The following VWA3B variants were observed in gnomAD, a reference collection of about 807,000 sequenced individuals.
VWA3B encodes the protein von Willebrand factor A domain containing 3B.
A neutral mutation model predicts 158.3 loss-of-function variants in VWA3B; 138 were observed. The ratio of observed to expected loss-of-function variants is 0.87; its 90% CI spans 0.76 to 1.00. The LOEUF (loss-of-function observed/expected upper bound fraction) is 1.00. VWA3B is among the 50% of genes least tolerant of loss of function. The pLI, the probability that VWA3B is intolerant of heterozygous loss-of-function variation, is 0.00. For missense variants in VWA3B, 1,555 were observed against 1,565.1 expected (o/e 0.99, Z 0.11); for synonymous variants, 596 against 587.3 (o/e 1.01, Z -0.21).
intron 21 of VWA3B, among the ~76,000 whole-genome samples, chr2:98,267,503 C>T (rs1194922776): frequency 3.3e-5 from 5 of 151,984 alleles, no homozygotes; most frequent in Non-Finnish European, 7.4e-5. Flanking sequence ...AGAACAAAGA[C>T]ACAACATACC....
chr2:98,245,139 A>G (rs964527820), intron 19 of VWA3B, among the ~76,000 whole-genome samples: 1 of 152,122 alleles, frequency 6.6e-6, no homozygotes, highest in Non-Finnish European at 1.5e-5. Context: ...CTTAAATCAA[A>G]TATTATCCAG....
chr2:98,115,523 A>G lies in VWA3B; in HGVS notation c.197-129A>G. 3 of 680,348 alleles carry G rather than the reference A, an allele frequency of 4.4e-6. No homozygotes were observed. The South Asian group carries it at 5.2e-5, about 12-fold the overall frequency. 42.1% of individuals were successfully genotyped at this position (680,348 alleles called of 1,614,324 possible). A position where few individuals can be genotyped will look rare whatever the true frequency, so the allele number is the denominator to read the frequency against. On this transcript the variant is annotated intron_variant, in intron 2 of 27. Coordinates refer to ENST00000477737, the MANE Select transcript of VWA3B (RefSeq NM_144992.5). ...TACTTCATGATTTAGAACAGAATAG[A>G]AAGCATCACAAATTATTGATGGCAC... is the stretch of plus-strand genomic sequence containing the variant.
intron 2 of VWA3B, chr2:98,099,295 C>A (rs1391400018): frequency 6.6e-6 from 1 of 152,064 alleles, no homozygotes; most frequent in Non-Finnish European, 1.5e-5. Context: ...TTTTGTTTAT[C>A]TGTGAAAGTC....
chr2:98,092,634 C>CTCCT (rs1319052834), intron 1 of VWA3B, among the ~76,000 whole-genome samples: 1 of 151,698 alleles, frequency 6.6e-6, no homozygotes, highest in Non-Finnish European at 1.5e-5. Flanking sequence ...CAGAGCGAGA[C>CTCCT]TCCTTCTCAA....
chr2:98,157,429 C>CATATA (rs1171764783), intron 7 of VWA3B, among the ~76,000 whole-genome samples: 2 of 152,288 alleles, frequency 1.3e-5, no homozygotes, highest in East Asian at 3.9e-4. Flanking sequence ...AACATCTTAA[C>CATATA]ATATAATATA....
chr2:98,311,972 C>T lies in VWA3B; in HGVS notation c.3675C>T (p.Asp1225=), dbSNP rs748785642. The part of the protein sequence containing the change: ...PLQQAAPSDS[D]GSSHGISSHG... ...AGCAGGCGGCGCCCTCGGACTCGGA[C>T]GGCTCCTCCCACGGCATCAGCTCCC... The change falls in exon 27 of 28, where the codon GAC becomes GAT. Residue 1225 remains aspartate (D), a synonymous_variant. Coordinates refer to ENST00000477737, the MANE Select transcript of VWA3B (RefSeq NM_144992.5). 1.9e-6 allele frequency: 3 copies of T among 1,604,534 alleles called. No individual in the cohort carries two copies. The highest frequency in any genetic ancestry group is 1.7e-5 in the Admixed American group (1 of 58,796).
intron 19 of VWA3B, among the ~76,000 whole-genome samples, chr2:98,248,705 A>G (rs1686555999): frequency 1.3e-5 from 2 of 152,132 alleles, no homozygotes; most frequent in Non-Finnish European, 1.5e-5. Flanking sequence ...CTTTGGACAC[A>G]CAGCTTAACA....
chr2:98,245,144 A>T (rs1686310161), intron 19 of VWA3B, among the ~76,000 whole-genome samples: 1 of 152,120 alleles, frequency 6.6e-6, no homozygotes, highest in South Asian at 2.1e-4. Flanking sequence ...ATCAAATATT[A>T]TCCAGAAGAG....
intron 19 of VWA3B, among the ~76,000 whole-genome samples, chr2:98,246,888 T>C: frequency 6.6e-6 from 1 of 152,108 alleles, no homozygotes; most frequent in South Asian, 2.1e-4. Flanking sequence ...ACGAATATAT[T>C]TGAACTTTTT....
chr2:98,297,686 C>T (rs940800156), intron 23 of VWA3B, among the ~76,000 whole-genome samples: 53 of 152,152 alleles, frequency 3.5e-4, no homozygotes, highest in African/African-American at 1.2e-3. Context: ...CACTGGTTCT[C>T]ATCTCAGCGG....
In VWA3B at chr2:98,128,236, C is replaced by A; in HGVS notation, c.703-3C>A. Reference sequence around the variant, plus strand: ...ATAAACCGTTGGCACCACTGTTTTGCAGATTGAATCCATTTACTACTTTGT... The same window carrying A: ...ATAAACCGTTGGCACCACTGTTTTGAAGATTGAATCCATTTACTACTTTGT... On this transcript the variant is annotated splice_region_variant and splice_polypyrimidine_tract_variant and intron_variant, in intron 5 of 27. Transcript: ENST00000477737. The A allele has an allele frequency of 6.2e-7, 1 of 1,613,856 alleles. No individual in the cohort carries two copies. Among genetic ancestry groups the A allele is most frequent in the South Asian group, 1.1e-5 (1 of 91,056 alleles).
intron 14 of VWA3B, among the ~76,000 whole-genome samples, chr2:98,223,347 G>A (rs1208354212): frequency 1.2e-4 from 17 of 147,094 alleles, no homozygotes; most frequent in Non-Finnish European, 2.1e-4. Context: ...GGACCTGTGA[G>A]ACAATGACAA....
chr2:98,120,899 G>A (rs1674904994), intron 4 of VWA3B, among the ~76,000 whole-genome samples: 1 of 152,168 alleles, frequency 6.6e-6, no homozygotes, highest in African/African-American at 2.4e-5. Flanking sequence ...AAATTTTAGA[G>A]CAATAGAATT....
At chr2:98,294,226 A>G (rs1281038306) in intron 23 of VWA3B, among the ~76,000 whole-genome samples, 1 of 151,628 alleles carries the variant, frequency 6.6e-6, no homozygotes, top group East Asian at 1.9e-4. Flanking sequence ...AAAAAAAAAA[A>G]AAAAGAAGGC....
In VWA3B at chr2:98,226,371, G is replaced by A. The variant is rs76186281; in HGVS notation, c.2020-1831G>A. On this transcript the variant is annotated intron_variant, in intron 14 of 27. Coordinates refer to ENST00000477737, the MANE Select transcript of VWA3B (RefSeq NM_144992.5). ...GGTTGGAGCAATTGGATATCCAAAGGCAAAATAATAAACCCCAACCTAAAC... is the reference window on the plus strand; with the variant it reads ...GGTTGGAGCAATTGGATATCCAAAGACAAAATAATAAACCCCAACCTAAAC... Among the ~76,000 whole-genome samples the A allele has an allele frequency of 6.8e-3, 1,043 of 152,264 alleles. 10 individuals carry two copies. The highest frequency in any genetic ancestry group is 0.024 in the African/African-American group (994 of 41,542).
chr2:98,329,522 C>T, the VWA3B span, among the ~76,000 whole-genome samples: 1 of 151,610 alleles, frequency 6.6e-6, no homozygotes, highest in Non-Finnish European at 1.5e-5. Context: ...TTTTAATGGG[C>T]AAGATCTTAA....
intron 20 of VWA3B, 21 bp from the exon 21 acceptor site, chr2:98,256,103 T>C (rs1388859958): frequency 6.2e-7 from 1 of 1,612,570 alleles, no homozygotes; most frequent in Non-Finnish European, 8.5e-7. Context: ...AAAATTATTG[T>C]TGACTTTTTT....
chr2:98,115,766 A>G lies in VWA3B; in HGVS notation c.291+20A>G, dbSNP rs1461558816. The G allele has an allele frequency of 5.7e-6, 9 of 1,587,436 alleles. No homozygotes were observed. The highest frequency in any genetic ancestry group is 2.2e-5 in the East Asian group (1 of 44,754). On this transcript the variant is annotated intron_variant, in intron 3 of 27. Transcript: ENST00000477737. ...TACAATGTAAGTCAGAGTTCCCTCA[A>G]TGCGCAGTCCTGTGACATGGTGCTG...
chr2:98,245,671 TG>T, intron 19 of VWA3B: 1 of 452,754 alleles, frequency 2.2e-6, no homozygotes, highest in Non-Finnish European at 4.4e-6. Context: ...CATGATGAAA[TG>T]TTATAATGTT....
Sources: allele counts gnomAD v4.1 joint callset (sites outside exome capture counted in the v4.1 genomes callset), GRCh38; gene constraint gnomAD v4.1.1; transcripts MANE v1.5; gene names NCBI Gene and HGNC (gene_info 2026-07-23, HGNC 2026-07-21).